The following MYORG variants were observed in gnomAD, a reference collection of about 807,000 sequenced individuals.
MYORG encodes myogenesis regulating glycosidase, also known as alpha-galactosidase MYORG.
A neutral mutation model predicts 49.8 loss-of-function variants in MYORG; 45 were observed. That is an observed-to-expected ratio of 0.90 (90% CI 0.71 to 1.16). The LOEUF is 1.16. Ranked by LOEUF, MYORG falls within the 50% of genes most tolerant of loss-of-function variation. The pLI is 0.00. For missense variants in MYORG, 1,110 were observed against 1,026.5 expected, an observed-to-expected ratio of 1.08 and a Z score of -1.11; for synonymous variants, 552 against 462.9, an observed-to-expected ratio of 1.19 and a Z score of -2.47.
In MYORG at chr9:34,372,432, G is replaced by T. The variant is rs765082850; in HGVS notation, c.512C>A (p.Ala171Asp). 2 of 1,578,928 alleles carry T rather than the reference G, an allele frequency of 1.3e-6. No homozygotes were observed. Among genetic ancestry groups the T allele is most frequent in the Admixed American group, 1.8e-5 (1 of 54,592 alleles). Residue 171 changes from alanine to aspartate, a missense_variant, in exon 2 of 2, where the codon GCC (alanine) becomes GAC (aspartate). Ala to Asp is a moderately radical substitution (Grantham distance 126, BLOSUM62 -2). Coordinates refer to ENST00000297625, the MANE Select transcript of MYORG (RefSeq NM_020702.5). ...VRWEEAAPGRAVEHAMFLGDA... is the reference protein window; with the variant it reads ...VRWEEAAPGRDVEHAMFLGDA... ...GCCCAAGAACATGGCGTGCTCCACG[G>T]CCCGGCCCGGCGCTGCCTCCTCCCA... is the stretch of plus-strand genomic sequence containing the variant.
At position 34,370,680 on chromosome 9, in the gene MYORG, C is replaced by G; in HGVS notation, c.*119G>C. 7.1e-7 allele frequency: 1 copy of G among 1,409,406 alleles called. No homozygotes were observed. Among genetic ancestry groups the G allele is most frequent in the Non-Finnish European group, 9.3e-7 (1 of 1,078,172 alleles). 87.3% of individuals were successfully genotyped at this position (1,409,406 alleles called of 1,614,324 possible). A position where few individuals can be genotyped will look rare whatever the true frequency, so the allele number is the denominator to read the frequency against. On this transcript the variant is annotated 3_prime_UTR_variant, in exon 2 of 2. Transcript: ENST00000297625. ...GGTTCCAGCACATTTAAGTCAGCAG[C>G]CACTTAATGGGTGGTATAGAGGTGG...
Position 34,370,764 on chromosome 9 carries a change from C to T in MYORG, c.*35G>A, listed in dbSNP as rs1262927693. ...GGAGGGTTCAAGGTCTGCATGAAGACTGGGGGCTTTGCGGTTACCGGGCCC... is the reference window on the plus strand; with the variant it reads ...GGAGGGTTCAAGGTCTGCATGAAGATTGGGGGCTTTGCGGTTACCGGGCCC... On this transcript the variant is annotated 3_prime_UTR_variant, in exon 2 of 2. Coordinates refer to ENST00000297625, the MANE Select transcript of MYORG (RefSeq NM_020702.5). The T allele has an allele frequency of 1.3e-6, 2 of 1,532,740 alleles. No homozygotes were observed. Among genetic ancestry groups the T allele is most frequent in the Non-Finnish European group, 1.8e-6 (2 of 1,134,936 alleles). The allele number at this position is 1,532,740 out of a possible 1,614,324, so 94.9% of individuals were successfully genotyped here. A position where few individuals can be genotyped will look rare whatever the true frequency, so the allele number is the denominator to read the frequency against.
Position 34,372,306 on chromosome 9 carries a change from T to C in MYORG, c.638A>G (p.Asp213Gly). ...AAACGCGGCGTCGGAGGAGTAGACA[T>C]CGCTGGTGACGAACGGCTGGGGCTC... ...QQEPQPFVTS[D>G]VYSSDAAFGG... The change falls in exon 2 of 2, where the codon GAT becomes GGT. Residue 213 changes from aspartate to glycine, a missense_variant. Physicochemically the swap from Asp to Gly is moderately conservative, Grantham distance 94. Transcript: ENST00000297625. 2 of 1,610,204 alleles carry C rather than the reference T, an allele frequency of 1.2e-6. No homozygotes were observed. The highest frequency in any genetic ancestry group is 1.1e-5 in the South Asian group (1 of 90,510).
In MYORG at chr9:34,371,278, C is replaced by T. The variant is rs766964650; in HGVS notation, c.1666G>A (p.Gly556Ser). The T allele has an allele frequency of 5.0e-6, 8 of 1,609,678 alleles. No homozygotes were observed. Among genetic ancestry groups the T allele is most frequent in the South Asian group, 2.2e-5 (2 of 90,516 alleles). ...YPFILPDMVGGNAVPQRTAGG... is the reference protein window; with the variant it reads ...YPFILPDMVGSNAVPQRTAGG... ...GCTGTCCGCTGGGGCACGGCGTTGCCGCCCACCATATCGGGTAGGATGAAT... is the reference window on the plus strand; with the variant it reads ...GCTGTCCGCTGGGGCACGGCGTTGCTGCCCACCATATCGGGTAGGATGAAT... The change falls in exon 2 of 2, where the codon GGC becomes AGC. Residue 556 changes from glycine (G) to serine (S), a missense_variant. Coordinates refer to ENST00000297625, the MANE Select transcript of MYORG (RefSeq NM_020702.5).
Position 34,372,212 on chromosome 9 carries a change from G to A in MYORG, c.732C>T (p.Pro244=), listed in dbSNP as rs569031720. Residue 244 remains proline (P), a synonymous_variant, in exon 2 of 2, where the codon CCC becomes CCT. Transcript: ENST00000297625. ...CCGTGCTGTTCCAGCCCAGGTGGAA[G>A]GGCACTGAGTCATTGACTTTGATGG... ...AAAIKVNDSV[P]FHLGWNSTER... 14 of 1,611,934 alleles carry A rather than the reference G, an allele frequency of 8.7e-6. No individual in the cohort carries two copies. Among genetic ancestry groups the A allele is most frequent in the East Asian group, 2.2e-5 (1 of 44,812 alleles).
rs374402501 is a variant in MYORG at position 34,372,097 on chromosome 9, C to T, written c.847G>A (p.Val283Met). ...RAAAPELSYRVCVGSDVTSIH... is the reference protein window; with the variant it reads ...RAAAPELSYRMCVGSDVTSIH... Reference sequence around the variant, plus strand: ...GAGGTGACGTCTGAGCCCACGCACACTCGGTAGCTCAGCTCTGGCGCTGCG... The same window carrying T: ...GAGGTGACGTCTGAGCCCACGCACATTCGGTAGCTCAGCTCTGGCGCTGCG... The change falls in exon 2 of 2, where the codon GTG becomes ATG. Residue 283 changes from valine (V) to methionine (M), a missense_variant. By Grantham distance (21) the Val-to-Met change is conservative. Transcript: ENST00000297625. The T allele has an allele frequency of 6.2e-7, 1 of 1,613,374 alleles. No homozygotes were observed. Among genetic ancestry groups the T allele is most frequent in the African/African-American group, 1.3e-5 (1 of 75,078 alleles).
chr9:34,370,914 A>T lies in MYORG; in HGVS notation c.2030T>A (p.Leu677Ter). ...GTAGCTGCGCCACTTGCCGGCGGGCAAATAGACGTCGCGCTCCTGCTTGCC... is the reference window on the plus strand; with the variant it reads ...GTAGCTGCGCCACTTGCCGGCGGGCTAATAGACGTCGCGCTCCTGCTTGCC... The part of the protein sequence containing the change: ...EPGKQERDVY[L>*]PAGKWRSYKG... Residue 677 changes from leucine (L) to a stop codon, truncating the protein, a stop_gained, in exon 2 of 2, where the codon TTG becomes TAG. Transcript: ENST00000297625. LOFTEE classifies it high-confidence loss of function. 1 of 1,613,470 alleles carries T rather than the reference A, an allele frequency of 6.2e-7. No individual in the cohort carries two copies.
At chr9:34,373,143 A>G (rs1219544177) in intron 1 of MYORG, 137 bp from the exon 2 acceptor site, 4 of 648,000 alleles carry the variant, frequency 6.2e-6, no homozygotes, top group Non-Finnish European at 1.0e-5. Flanking sequence ...GGCAAAGGTG[A>G]GACCCTTACC....
In MYORG at chr9:34,370,577, AAAGGGCACAGT is replaced by A; in HGVS notation, c.*211_*221del. ...CAGATTGGTGTGAGTGTGGGGGTGG[AAAGGGCACAGT>A]AAGGATTGTGCGTTGGAGCAGGAGA... On this transcript the variant is annotated 3_prime_UTR_variant, in exon 2 of 2. Coordinates refer to ENST00000297625, the MANE Select transcript of MYORG (RefSeq NM_020702.5). 2.7e-6 allele frequency: 2 copies of A among 728,662 alleles called. No individual in the cohort carries two copies. The highest frequency in any genetic ancestry group is 4.1e-6 in the Non-Finnish European group (2 of 483,766). The allele number at this position is 728,662 out of a possible 1,614,324, so 45.1% of individuals were successfully genotyped here. A position where few individuals can be genotyped will look rare whatever the true frequency, so the allele number is the denominator to read the frequency against.
rs991050472 is a variant in MYORG, at chr9:34,367,271, G to A, written c.*3528C>T. On this transcript the variant is annotated 3_prime_UTR_variant, in exon 2 of 2. Transcript: ENST00000297625. ...GGAGCTACAATTTAAGGTGATATTTGGATGGGGACACAGCCAAACCATATC... is the reference window on the plus strand; with the variant it reads ...GGAGCTACAATTTAAGGTGATATTTAGATGGGGACACAGCCAAACCATATC... 3.3e-5 allele frequency: 5 copies of A among 152,074 alleles called. No individual in the cohort carries two copies. Among genetic ancestry groups the A allele is most frequent in the African/African-American group, 7.2e-5 (3 of 41,380 alleles). The allele number at this position is 152,074 out of a possible 1,614,324, so 9.4% of individuals were successfully genotyped here.
In MYORG at chr9:34,370,663, C is replaced by A. The variant is rs1191240630; in HGVS notation, c.*136G>T. On this transcript the variant is annotated 3_prime_UTR_variant, in exon 2 of 2. Coordinates refer to ENST00000297625, the MANE Select transcript of MYORG (RefSeq NM_020702.5). ...CCCCACCTTCAGCAGCTGGTTCCAG[C>A]ACATTTAAGTCAGCAGCCACTTAAT... The A allele has an allele frequency of 1.3e-5, 18 of 1,414,592 alleles. No individual in the cohort carries two copies. The Admixed American group carries it at 1.5e-4, about 11-fold the overall frequency. 87.6% of individuals were successfully genotyped at this position (1,414,592 alleles called of 1,614,324 possible).
intron 1 of MYORG, among the ~76,000 whole-genome samples, chr9:34,375,101 C>T (rs376592221): frequency 7.2e-5 from 11 of 152,066 alleles, no homozygotes; most frequent in South Asian, 2.1e-4. Flanking sequence ...TGCTCCAGCT[C>T]GGGGGAAGAA....
chr9:34,372,309 C>A lies in MYORG; in HGVS notation c.635G>T (p.Ser212Ile), dbSNP rs1404697132. ...GQQEPQPFVT[S>I]DVYSSDAAFG... ...CGCGGCGTCGGAGGAGTAGACATCG[C>A]TGGTGACGAACGGCTGGGGCTCCTG... The change falls in exon 2 of 2, where the codon AGC becomes ATC. Residue 212 changes from serine (S) to isoleucine (I), a missense_variant. Physicochemically the swap from Ser to Ile is moderately radical, Grantham distance 142. Coordinates refer to ENST00000297625, the MANE Select transcript of MYORG (RefSeq NM_020702.5). The A allele has an allele frequency of 1.2e-6, 2 of 1,609,798 alleles. No individual in the cohort carries two copies. The highest frequency in any genetic ancestry group is 1.7e-6 in the Non-Finnish European group (2 of 1,178,508).
In MYORG at chr9:34,369,327, C is replaced by T. The variant is rs1170207682; in HGVS notation, c.*1472G>A. The T allele has an allele frequency of 6.6e-6, 1 of 152,164 alleles. No homozygotes were observed. The highest frequency in any genetic ancestry group is 2.4e-5 in the African/African-American group (1 of 41,418). The allele number at this position is 152,164 out of a possible 1,614,324, so 9.4% of individuals were successfully genotyped here. A position where few individuals can be genotyped will look rare whatever the true frequency, so the allele number is the denominator to read the frequency against. On this transcript the variant is annotated 3_prime_UTR_variant, in exon 2 of 2. Coordinates refer to ENST00000297625, the MANE Select transcript of MYORG (RefSeq NM_020702.5). ...CCCACCGACCCGCTCTGGCATGCCA[C>T]TTTTCTCCAGACTCAGCTGCAAAGT... is the stretch of plus-strand genomic sequence containing the variant.
Position 34,371,306 on chromosome 9 carries a change from G to A in MYORG, c.1638C>T (p.Tyr546=), listed in dbSNP as rs781154659. ...PAVLTVSMLG[Y]PFILPDMVGG... is the part of the protein sequence containing the mutation. ...CCACCATATCGGGTAGGATGAATGG[G>A]TAGCCCAGCATGCTGACGGTGAGCA... The change falls in exon 2 of 2, where the codon TAC becomes TAT. Residue 546 remains tyrosine (Y), a synonymous_variant. Transcript: ENST00000297625. 6.2e-7 allele frequency: 1 copy of A among 1,612,032 alleles called. No individual in the cohort carries two copies. The highest frequency in any genetic ancestry group is 8.5e-7 in the Non-Finnish European group (1 of 1,179,338).
chr9:34,371,656 C>T lies in MYORG; in HGVS notation c.1288G>A (p.Gly430Ser). The T allele has an allele frequency of 1.2e-6, 2 of 1,606,446 alleles. No homozygotes were observed. The highest frequency in any genetic ancestry group is 2.2e-5 in the South Asian group (2 of 90,424). The change falls in exon 2 of 2, where the codon GGC becomes AGC. Residue 430 changes from glycine to serine, a missense_variant. By Grantham distance (56) the Gly-to-Ser change is moderately conservative. Coordinates refer to ENST00000297625, the MANE Select transcript of MYORG (RefSeq NM_020702.5). The stretch of plus-strand genomic sequence containing the variant: ...GGGTGCGTGAAGTCTAGCACCGCGC[C>T]GATGCCGTTCCACCAGCGCACCAGC... Reference protein sequence around the residue: ...PALVRWWNGIGAVLDFTHPKA... With the variant: ...PALVRWWNGISAVLDFTHPKA...
In MYORG at chr9:34,372,479, C is replaced by T. The variant is rs760898997; in HGVS notation, c.465G>A (p.Thr155=). Residue 155 remains threonine, a synonymous_variant, in exon 2 of 2, where the codon ACG becomes ACA. Coordinates refer to ENST00000297625, the MANE Select transcript of MYORG (RefSeq NM_020702.5). ...CCCAGCGCACGCGGTAGCACATGAC[C>T]GTGTCCTTGGGCCGCACAGTCTGGA... ...FFIQTVRPKD[T]VMCYRVRWEE... is the part of the protein sequence containing the mutation. 1 of 1,596,786 alleles carries T rather than the reference C, an allele frequency of 6.3e-7. No homozygotes were observed. Among genetic ancestry groups the T allele is most frequent in the South Asian group, 1.1e-5 (1 of 88,716 alleles).
intron 1 of MYORG, among the ~76,000 whole-genome samples, chr9:34,374,584 C>T (rs1421162771): frequency 2.6e-5 from 4 of 152,068 alleles, no homozygotes. Flanking sequence ...AACTCTGACA[C>T]ACTATATGCT....
chr9:34,372,469 A>G lies in MYORG; in HGVS notation c.475T>C (p.Tyr159His), dbSNP rs772456399. The stretch of plus-strand genomic sequence containing the variant: ...GCTGCCTCCTCCCAGCGCACGCGGT[A>G]GCACATGACCGTGTCCTTGGGCCGC... ...TVRPKDTVMC[Y>H]RVRWEEAAPG... The change falls in exon 2 of 2, where the codon TAC becomes CAC. Residue 159 changes from tyrosine (Y) to histidine (H), a missense_variant. Coordinates refer to ENST00000297625, the MANE Select transcript of MYORG (RefSeq NM_020702.5). The G allele has an allele frequency of 5.0e-6, 8 of 1,594,684 alleles. No individual in the cohort carries two copies. Among genetic ancestry groups the G allele is most frequent in the Non-Finnish European group, 6.8e-6 (8 of 1,171,804 alleles).
Sources: allele counts gnomAD v4.1 joint callset (sites outside exome capture counted in the v4.1 genomes callset), GRCh38; gene constraint gnomAD v4.1.1; transcripts MANE v1.5; gene names NCBI Gene and HGNC (gene_info 2026-07-23, HGNC 2026-07-21).